HERC5: variants seen among roughly 807,000 people sequenced by gnomAD.
HERC5 encodes the protein HECT and RLD domain containing E3 ubiquitin protein ligase 5.
A neutral mutation model predicts 119.6 loss-of-function variants in HERC5; 99 were observed. That is an observed-to-expected ratio of 0.83 (90% CI 0.70 to 0.98). The LOEUF (loss-of-function observed/expected upper bound fraction) is 0.98. Among genes scored for constraint, HERC5 ranks in the 50% least tolerant of loss-of-function variants. The pLI, the probability that HERC5 is intolerant of heterozygous loss-of-function variation, is 0.00. For missense variants in HERC5, 1,267 were observed against 1,241.3 expected, an observed-to-expected ratio of 1.02 and a Z score of -0.31; for synonymous variants, 478 against 445.9, an observed-to-expected ratio of 1.07 and a Z score of -0.91.
chr4:88,460,035 A>G (rs1740364488), intron 2 of HERC5, 60 bp from the exon 3 acceptor site: 11 of 950,274 alleles, frequency 1.2e-5, no homozygotes, highest in Middle Eastern at 2.2e-4. Context: ...TAATAGTTCT[A>G]AAATCCATGT....
intron 22 of HERC5, among the ~76,000 whole-genome samples, chr4:88,504,971 G>A (rs1459960616): frequency 1.3e-5 from 2 of 152,036 alleles, no homozygotes; most frequent in Non-Finnish European, 2.9e-5. Flanking sequence ...ACTGTACACA[G>A]CTATTTTATT....
Position 88,487,145 on chromosome 4 carries a change from AACT to A in HERC5, c.1934_1936del (p.Leu645del), listed in dbSNP as rs749950989. The A allele has an allele frequency of 3.1e-6, 5 of 1,597,256 alleles. No homozygotes were observed. Among genetic ancestry groups the A allele is most frequent in the Non-Finnish European group, 3.4e-6 (4 of 1,165,346 alleles). ...ATCTTTAATAATCTGTCGAAAATTAAACTACTACATACAGACACACTTTTAAAA... is the reference window on the plus strand; with the variant it reads ...ATCTTTAATAATCTGTCGAAAATTAAACTACATACAGACACACTTTTAAAA... On this transcript the variant is annotated inframe_deletion, in exon 15 of 23. Coordinates refer to ENST00000264350, the MANE Select transcript of HERC5 (RefSeq NM_016323.4).
At chr4:88,484,843 C>T (rs1741403346) in intron 13 of HERC5, among the ~76,000 whole-genome samples, 1 of 152,182 alleles carries the variant, frequency 6.6e-6, no homozygotes, top group African/African-American at 2.4e-5. Context: ...GCAAATGCCA[C>T]TTTCATTTAA....
chr4:88,482,425 C>T (rs937648814), intron 13 of HERC5, among the ~76,000 whole-genome samples: 6 of 152,130 alleles, frequency 3.9e-5, no homozygotes, highest in Non-Finnish European at 1.5e-5. Context: ...TGTCACATGC[C>T]CGTATGTGGA....
At chr4:88,462,504 T>A in intron 4 of HERC5, 148 bp downstream of exon 4, 1 of 677,322 alleles carries the variant, frequency 1.5e-6, no homozygotes, top group Admixed American at 2.5e-5. Flanking sequence ...GCAGAATCAG[T>A]CCAAGAGGCA....
At chr4:88,478,198 AC>A (rs1273190159) in intron 12 of HERC5, among the ~76,000 whole-genome samples, 2 of 152,238 alleles carry the variant, frequency 1.3e-5, no homozygotes, top group Non-Finnish European at 2.9e-5. Flanking sequence ...GGCTTAAGCA[AC>A]CAGAAAGTTA....
chr4:88,470,176 A>G (rs546906064), intron 9 of HERC5, among the ~76,000 whole-genome samples: 2 of 152,360 alleles, frequency 1.3e-5, no homozygotes, highest in African/African-American at 2.4e-5. Context: ...TGCAGAGCAT[A>G]AATAATTAAG....
intron 9 of HERC5, 102 bp downstream of exon 9, chr4:88,469,362 C>T (rs927601475): frequency 3.9e-6 from 3 of 765,180 alleles, no homozygotes; most frequent in Admixed American, 4.3e-5. Context: ...CAGGGTTTTC[C>T]AGAGAAACAA....
At chr4:88,471,638 C>T (rs546742553) in intron 10 of HERC5, among the ~76,000 whole-genome samples, 3 of 152,150 alleles carry the variant, frequency 2.0e-5, no homozygotes, top group South Asian at 4.2e-4. Context: ...CGCACCCAGC[C>T]GGTAACATAA....
At chr4:88,484,436 C>G (rs188870871) in intron 13 of HERC5, among the ~76,000 whole-genome samples, 1 of 152,262 alleles carries the variant, frequency 6.6e-6, no homozygotes, top group East Asian at 1.9e-4. Flanking sequence ...CTGCCAGGCT[C>G]CTAGAGATAC....
Position 88,486,200 on chromosome 4 carries a change from G to T in HERC5, c.1823G>T (p.Cys608Phe). The T allele has an allele frequency of 6.2e-7, 1 of 1,610,162 alleles. No individual in the cohort carries two copies. The highest frequency in any genetic ancestry group is 8.5e-7 in the Non-Finnish European group (1 of 1,177,066). The change falls in exon 14 of 23, where the codon TGC (cysteine) becomes TTC (phenylalanine). Residue 608 changes from cysteine to phenylalanine, a missense_variant. Cys to Phe is a radical substitution (Grantham distance 205, BLOSUM62 -2). Transcript: ENST00000264350. ...LHRLNFFVEV[C>F]RRYLWKMTVD... is the part of the protein sequence containing the mutation. ...CGTCTCAATTTTTTTGTAGAAGTAT[G>T]CAGAAGGTACTTGTGGAAAATGACT...
intron 3 of HERC5, among the ~76,000 whole-genome samples, chr4:88,460,526 C>G (rs535517969): frequency 6.6e-6 from 1 of 152,354 alleles, no homozygotes; most frequent in African/African-American, 2.4e-5. Flanking sequence ...CCAACTTCCA[C>G]TCTTCCGGCT....
intron 4 of HERC5, among the ~76,000 whole-genome samples, chr4:88,462,938 C>G (rs971523303): frequency 1.3e-5 from 2 of 152,134 alleles, no homozygotes; most frequent in Admixed American, 1.3e-4. Context: ...GTAAGAAATT[C>G]TGCTGCTTTA....
Position 88,462,415 on chromosome 4 carries a change from A to G in HERC5, c.688+59A>G, listed in dbSNP as rs1021102510. On this transcript the variant is annotated intron_variant, in intron 4 of 22. Transcript: ENST00000264350. ...CAGATATACTTGTTAGATGAATTTA[A>G]TGGACCTCCCTGTCAAAAATGGTTC... The G allele has an allele frequency of 2.3e-5, 32 of 1,380,772 alleles. 1 individual carries two copies. The African/African-American group carries it at 4.6e-4, about 20-fold the overall frequency. The allele number at this position is 1,380,772 out of a possible 1,614,324, so 85.5% of individuals were successfully genotyped here. A position where few individuals can be genotyped will look rare whatever the true frequency, so the allele number is the denominator to read the frequency against.
At chr4:88,467,639 T>A (rs954442381) in intron 7 of HERC5, among the ~76,000 whole-genome samples, 5 of 152,250 alleles carry the variant, frequency 3.3e-5, no homozygotes, top group Non-Finnish European at 7.3e-5. Flanking sequence ...ACTTGTGTTA[T>A]CTCACCAATC....
chr4:88,464,516 T>A (rs919191285), intron 6 of HERC5, among the ~76,000 whole-genome samples: 1 of 152,056 alleles, frequency 6.6e-6, no homozygotes, highest in African/African-American at 2.4e-5. Flanking sequence ...AAAGGTAAAA[T>A]GTCTTGCTCA....
At chr4:88,464,371 C>G (rs532878106) in intron 6 of HERC5, among the ~76,000 whole-genome samples, 3 of 151,920 alleles carry the variant, frequency 2.0e-5, no homozygotes, top group Admixed American at 2.0e-4. Context: ...GCCTTGTGGC[C>G]AACATACTTT....
intron 2 of HERC5, among the ~76,000 whole-genome samples, 191 bp from the exon 3 acceptor site, chr4:88,459,904 T>C (rs1293606698): frequency 6.6e-6 from 1 of 152,172 alleles, no homozygotes; most frequent in Non-Finnish European, 1.5e-5. Context: ...TTATTATAAT[T>C]ATGTAATGCA....
chr4:88,486,405 G>A (rs776241435), intron 14 of HERC5, among the ~76,000 whole-genome samples, 177 bp downstream of exon 14: 1 of 152,134 alleles, frequency 6.6e-6, no homozygotes, highest in Non-Finnish European at 1.5e-5. Context: ...TGGCACCTTG[G>A]GAGATGACTA....
Sources: gnomAD v4.1 joint callset for allele counts (sites outside exome capture counted in the v4.1 genomes callset) on GRCh38, gnomAD v4.1.1 for gene constraint, MANE v1.5 for transcripts, NCBI Gene and HGNC (gene_info 2026-07-23, HGNC 2026-07-21) for gene names.